Variants in PSMD8 observed in about 807,000 individuals in gnomAD.
PSMD8 encodes proteasome 26S subunit, non-ATPase 8, also known as 26S proteasome non-ATPase regulatory subunit 8.
In PSMD8, 30 loss-of-function variants were observed where a neutral mutation model predicts 40.0. The observed-to-expected ratio is 0.75, with a 90% CI of 0.56 to 1.02. The LOEUF is 1.02. Among genes scored for constraint, PSMD8 ranks in the 50% least tolerant of loss-of-function variants. PSMD8 has a pLI of 0.00. For synonymous variants in PSMD8, 208 were observed against 192.5 expected (o/e 1.08, Z -0.67); for missense variants, 461 against 463.9 (o/e 0.99, Z 0.06).
intron 3 of PSMD8, among the ~76,000 whole-genome samples, chr19:38,378,668 A>G (rs1264851465): frequency 6.6e-6 from 1 of 150,660 alleles, no homozygotes; most frequent in African/African-American, 2.4e-5. Context: ...AAAAAAAAAA[A>G]AAGGGCTGGG....
rs199887609 is a variant in PSMD8, at chr19:38,379,462, C to CT, written c.702+59dup. ...CCAAAGTGGGTGGTGCAGGGGTGGT[C>CT]TTAGGAGGGCTTTCCTGAAGGAGTG... On this transcript the variant is annotated intron_variant, in intron 4 of 6. Coordinates refer to ENST00000215071, the MANE Select transcript of PSMD8 (RefSeq NM_002812.5). 2,809 of 1,565,438 alleles carry CT rather than the reference C, an allele frequency of 1.8e-3. 39 individuals carry two copies. The African/African-American group carries it at 0.03, about 17-fold the overall frequency.
intron 5 of PSMD8, among the ~76,000 whole-genome samples, chr19:38,381,575 C>T (rs987975059): frequency 2.6e-5 from 4 of 152,188 alleles, no homozygotes; most frequent in Admixed American, 2.0e-4. Flanking sequence ...CAGAGGCATT[C>T]GAGTGAGGAG....
intron 1 of PSMD8, 52 bp downstream of exon 1, chr19:38,375,013 C>A (rs1970586392): frequency 1.3e-6 from 2 of 1,533,516 alleles, no homozygotes; most frequent in African/African-American, 1.4e-5. Flanking sequence ...GGAGGCGCTA[C>A]GAGGTGTCTG....
At chr19:38,382,982 T>TCA in intron 6 of PSMD8, 1 of 422,902 alleles carries the variant, frequency 2.4e-6, no homozygotes, top group South Asian at 4.3e-5. Flanking sequence ...AACTGATCTG[T>TCA]CACTCAGGCC....
intron 4 of PSMD8, among the ~76,000 whole-genome samples, chr19:38,380,687 G>GGT (rs1252037495): frequency 1.7e-5 from 2 of 117,956 alleles, no homozygotes; most frequent in African/African-American, 3.0e-5. Flanking sequence ...AGGAAGAGGG[G>GGT]GTGAGAGAGA....
At chr19:38,380,707 AGTGT>A (rs35021765) in intron 4 of PSMD8, among the ~76,000 whole-genome samples, 188 bp from the exon 5 acceptor site, 11 of 120,946 alleles carry the variant, frequency 9.1e-5, no homozygotes, top group African/African-American at 3.8e-4. Context: ...AGAGAGAGAG[AGTGT>A]GTGTGTGTGT....
Position 38,374,937 on chromosome 19 carries a change from C to T in PSMD8, c.336C>T (p.Cys112=), listed in dbSNP as rs999785032. Reference sequence around the variant, plus strand: ...GTAAAAGCCCCAATCTTAGCAAGTGCGGGGAAGAGCTGGGTCGACTCAAGG... The same window carrying T: ...GTAAAAGCCCCAATCTTAGCAAGTGTGGGGAAGAGCTGGGTCGACTCAAGG... ...WNRKSPNLSK[C]GEELGRLKLV... Residue 112 remains cysteine (C), a synonymous_variant, in exon 1 of 7, where the codon TGC becomes TGT. Transcript: ENST00000215071. 7 of 1,574,428 alleles carry T rather than the reference C, an allele frequency of 4.4e-6. No homozygotes were observed. The highest frequency in any genetic ancestry group is 6.0e-6 in the Non-Finnish European group (7 of 1,168,632).
In PSMD8 at chr19:38,374,726, G is replaced by T. The variant is rs761893057; in HGVS notation, c.125G>T (p.Arg42Leu). 2.5e-5 allele frequency: 38 copies of T among 1,548,616 alleles called. No homozygotes were observed. Among genetic ancestry groups the T allele is most frequent in the Non-Finnish European group, 3.3e-5 (38 of 1,150,110 alleles). ...ALGSTSRPHF[R>L]RASVCRRRCR... ...GGCTCCACCTCTCGGCCCCACTTCC[G>T]CCGGGCAAGCGTTTGTAGGCGGCGC... The change falls in exon 1 of 7, where the codon CGC becomes CTC. Residue 42 changes from arginine (R) to leucine (L), a missense_variant. Physicochemically the swap from Arg to Leu is moderately radical, Grantham distance 102. Coordinates refer to ENST00000215071, the MANE Select transcript of PSMD8 (RefSeq NM_002812.5).
At position 38,376,323 on chromosome 19, in the gene PSMD8, C is replaced by T. The variant is rs370748420; in HGVS notation, c.434-29C>T. Reference sequence around the variant, plus strand: ...TGGTTGGGGAAGAGACCTCAGTCACCTCCTGAGAGCTCACTCTGTCACCCA... The same window carrying T: ...TGGTTGGGGAAGAGACCTCAGTCACTTCCTGAGAGCTCACTCTGTCACCCA... On this transcript the variant is annotated intron_variant, in intron 2 of 6. Coordinates refer to ENST00000215071, the MANE Select transcript of PSMD8 (RefSeq NM_002812.5). 1.8e-5 allele frequency: 27 copies of T among 1,538,526 alleles called. No individual in the cohort carries two copies. The African/African-American group carries it at 1.8e-4, about 10-fold the overall frequency.
At chr19:38,383,197 T>G (rs1970657596) in intron 6 of PSMD8, 56 bp from the exon 7 acceptor site, 2 of 1,607,138 alleles carry the variant, frequency 1.2e-6, no homozygotes, top group East Asian at 4.5e-5. Context: ...CCCCATAGGG[T>G]GGGGATGGAG....
intron 4 of PSMD8, 46 bp from the exon 5 acceptor site, chr19:38,380,853 A>T: frequency 1.4e-6 from 2 of 1,442,588 alleles, no homozygotes; most frequent in South Asian, 1.3e-5. Context: ...GCCCCTTTGC[A>T]GCCTCCTCTT....
At chr19:38,378,934 CAG>C (rs1970618607) in intron 3 of PSMD8, among the ~76,000 whole-genome samples, 1 of 152,154 alleles carries the variant, frequency 6.6e-6, no homozygotes, top group Non-Finnish European at 1.5e-5. Flanking sequence ...GCCTGGGCAA[CAG>C]AGAGAGACTC....
In PSMD8 at chr19:38,376,464, G is replaced by T; in HGVS notation, c.536+10G>T. 6.5e-7 allele frequency: 1 copy of T among 1,543,048 alleles called. No homozygotes were observed. ...ACTACTTTGATTACAAGTGAGAATG[G>T]GCCCTGCCCCCAACTGGGGGGGTGG... On this transcript the variant is annotated intron_variant, in intron 3 of 6. Coordinates refer to ENST00000215071, the MANE Select transcript of PSMD8 (RefSeq NM_002812.5).
rs548029763 is a variant in PSMD8 at position 38,377,698 on chromosome 19, C to T, written c.536+1244C>T. 1.1e-4 allele frequency among the ~76,000 whole-genome samples: 16 copies of T among 152,282 alleles called. No homozygotes were observed. The East Asian group carries it at 2.1e-3, about 20-fold the overall frequency. Reference sequence around the variant, plus strand: ...AGGCTAGAGTGCAACGGCTGGATCTCGGTGCACTGCAACCTCCGCCTCCCA... The same window carrying T: ...AGGCTAGAGTGCAACGGCTGGATCTTGGTGCACTGCAACCTCCGCCTCCCA... On this transcript the variant is annotated intron_variant, in intron 3 of 6. Transcript: ENST00000215071.
At chr19:38,379,108 T>TA (rs1467410626) in intron 3 of PSMD8, 132 bp from the exon 4 acceptor site, 1 of 879,942 alleles carries the variant, frequency 1.1e-6, no homozygotes, top group African/African-American at 1.7e-5. Flanking sequence ...AGTTTCCTCA[T>TA]ATGAAAACCC....
intron 4 of PSMD8, 38 bp from the exon 5 acceptor site, chr19:38,380,861 C>G: frequency 6.7e-7 from 1 of 1,488,652 alleles, no homozygotes; most frequent in Non-Finnish European, 9.1e-7. Context: ...GCAGCCTCCT[C>G]TTCATTCTCT....
In PSMD8 at chr19:38,376,347, C is replaced by T; in HGVS notation, c.434-5C>T. 1 of 1,546,286 alleles carries T rather than the reference C, an allele frequency of 6.5e-7. No homozygotes were observed. Among genetic ancestry groups the T allele is most frequent in the South Asian group, 1.2e-5 (1 of 84,016 alleles). On this transcript the variant is annotated splice_region_variant and splice_polypyrimidine_tract_variant and intron_variant, in intron 2 of 6. Transcript: ENST00000215071. ...CCTCCTGAGAGCTCACTCTGTCACCCACAGGTGACATACTGGAGATCGGGG... is the reference window on the plus strand; with the variant it reads ...CCTCCTGAGAGCTCACTCTGTCACCTACAGGTGACATACTGGAGATCGGGG...
At chr19:38,376,784 A>G (rs1970601688) in intron 3 of PSMD8, among the ~76,000 whole-genome samples, 1 of 152,212 alleles carries the variant, frequency 6.6e-6, no homozygotes, top group Admixed American at 6.5e-5. Flanking sequence ...GACACTGTCC[A>G]TACCCCGCTC....
At chr19:38,378,563 C>T (rs1041940619) in intron 3 of PSMD8, among the ~76,000 whole-genome samples, 35 of 149,706 alleles carry the variant, frequency 2.3e-4, no homozygotes, top group African/African-American at 7.9e-4. Context: ...GTAGTCCCAG[C>T]TACTTTGGAG....
Sources: allele counts gnomAD v4.1 joint callset (sites outside exome capture counted in the v4.1 genomes callset), GRCh38; gene constraint gnomAD v4.1.1; transcripts MANE v1.5; gene names NCBI Gene and HGNC (gene_info 2026-07-23, HGNC 2026-07-21).